JPH1: variants seen among roughly 807,000 people sequenced by gnomAD.
JPH1 encodes junctophilin-1.
In JPH1, 12 loss-of-function variants were observed where a neutral mutation model predicts 53.6. That is an observed-to-expected ratio of 0.22 (90% CI 0.14 to 0.36). The LOEUF (loss-of-function observed/expected upper bound fraction) is 0.36. JPH1 is among the 10% of genes least tolerant of loss of function. The pLI is 1.00. For synonymous variants in JPH1, 375 were observed against 363.8 expected (o/e 1.03, Z -0.35); for missense variants, 808 against 905.5 (o/e 0.89, Z 1.38).
intron 3 of JPH1, among the ~76,000 whole-genome samples, chr8:74,250,829 G>A (rs963699536): frequency 6.6e-6 from 1 of 152,112 alleles, no homozygotes; most frequent in African/African-American, 2.4e-5. Context: ...CATTACCAAA[G>A]CTCACCAGAC....
chr8:74,306,195 C>T (rs957672953), intron 2 of JPH1, among the ~76,000 whole-genome samples: 7 of 152,150 alleles, frequency 4.6e-5, no homozygotes, highest in African/African-American at 1.7e-4. Context: ...CCAAGTCACA[C>T]CTATCAGTGC....
intron 3 of JPH1, 137 bp from the exon 4 acceptor site, chr8:74,245,312 G>A: frequency 1.3e-6 from 1 of 742,446 alleles, no homozygotes. Flanking sequence ...TCATTCTCTG[G>A]GGAAAAGTTT....
At chr8:74,299,245 T>C (rs144340901) in intron 2 of JPH1, among the ~76,000 whole-genome samples, 1 of 152,302 alleles carries the variant, frequency 6.6e-6, no homozygotes, top group African/African-American at 2.4e-5. Context: ...TACCGGGACC[T>C]TCTTTATTCA....
intron 2 of JPH1, among the ~76,000 whole-genome samples, chr8:74,302,217 G>A (rs186401827): frequency 5.4e-4 from 82 of 152,282 alleles, no homozygotes; most frequent in Non-Finnish European, 8.7e-4. Flanking sequence ...AACACACTTA[G>A]GGGAAACCTA....
intron 2 of JPH1, among the ~76,000 whole-genome samples, chr8:74,272,231 C>G (rs1018310117): frequency 2.7e-5 from 4 of 146,848 alleles, no homozygotes; most frequent in African/African-American, 1.0e-4. Flanking sequence ...CCAACAAAAC[C>G]TCAACATACT....
intron 2 of JPH1, among the ~76,000 whole-genome samples, chr8:74,309,610 T>G (rs2131457725): frequency 6.6e-6 from 1 of 152,184 alleles, no homozygotes; most frequent in East Asian, 1.9e-4. Context: ...TCTCAAGGAG[T>G]AGTGACATCT....
At chr8:74,286,423 A>G (rs1807166174) in intron 2 of JPH1, among the ~76,000 whole-genome samples, 2 of 152,192 alleles carry the variant, frequency 1.3e-5, no homozygotes, top group Non-Finnish European at 2.9e-5. Flanking sequence ...TAGTGGTGAT[A>G]ACATTCAAAA....
At chr8:74,295,334 G>A (rs1218842006) in intron 2 of JPH1, among the ~76,000 whole-genome samples, 1 of 152,048 alleles carries the variant, frequency 6.6e-6, no homozygotes, top group African/African-American at 2.4e-5. Flanking sequence ...TGTACATATA[G>A]TTCTTTGCTA....
chr8:74,312,731 T>C (rs529076438), intron 2 of JPH1, among the ~76,000 whole-genome samples: 29 of 152,214 alleles, frequency 1.9e-4, no homozygotes, highest in Non-Finnish European at 3.1e-4. Flanking sequence ...TTCTATGAGT[T>C]TGACCATTTT....
chr8:74,244,503 G>T lies in JPH1; in HGVS notation c.1905+26C>A, dbSNP rs745446212. 3.8e-6 allele frequency: 6 copies of T among 1,559,142 alleles called. No individual in the cohort carries two copies. In the Admixed American group the frequency reaches 1.2e-4, roughly 31 times the overall value. On this transcript the variant is annotated intron_variant, in intron 4 of 5. Coordinates refer to ENST00000342232, the MANE Select transcript of JPH1 (RefSeq NM_020647.4). ...GAAAGAAACAAAGGGAAGAAAGAAA[G>T]AGAAAACGCTACTTGCAGTACTTAC...
intron 2 of JPH1, among the ~76,000 whole-genome samples, chr8:74,270,819 C>T (rs768442886): frequency 1.3e-5 from 2 of 152,112 alleles, no homozygotes; most frequent in Non-Finnish European, 2.9e-5. Context: ...TGACCAGCAG[C>T]CTGCTGTCTG....
At chr8:74,276,930 G>A (rs1586752561) in intron 2 of JPH1, among the ~76,000 whole-genome samples, 1 of 152,174 alleles carries the variant, frequency 6.6e-6, no homozygotes, top group East Asian at 1.9e-4. Context: ...AAGAGATGAA[G>A]TTTTTAGTTT....
Position 74,315,654 on chromosome 8 carries a change from G to A in JPH1, c.380-34C>T, listed in dbSNP as rs747755980. 3.1e-5 allele frequency: 48 copies of A among 1,555,744 alleles called. No homozygotes were observed. The South Asian group carries it at 4.8e-4, about 15-fold the overall frequency. On this transcript the variant is annotated intron_variant, in intron 1 of 5. Transcript: ENST00000342232. This position sits in a 1 kb window ranked among gnomAD's most constrained non-coding sequence, Gnocchi z 6.3. ...GACCGCAAGAAAGCACCGTGAGTCG[G>A]GGGCAGAGCTGCACCGTCACCTGCA...
At chr8:74,240,302 A>T (rs1805655581) in intron 4 of JPH1, among the ~76,000 whole-genome samples, 1 of 151,764 alleles carries the variant, frequency 6.6e-6, no homozygotes, top group Non-Finnish European at 1.5e-5. Context: ...GGTACAATTA[A>T]ATTATTATTA....
intron 2 of JPH1, among the ~76,000 whole-genome samples, chr8:74,261,603 G>A (rs1806397811): frequency 1.3e-5 from 2 of 152,240 alleles, no homozygotes; most frequent in South Asian, 4.2e-4. Flanking sequence ...CATTGCTGAG[G>A]TACGATGGGT....
intron 4 of JPH1, among the ~76,000 whole-genome samples, chr8:74,243,570 T>C (rs986416206): frequency 2.6e-5 from 4 of 152,228 alleles, no homozygotes; most frequent in Non-Finnish European, 5.9e-5. Context: ...TACTATATTC[T>C]TGTTGGCCAA....
chr8:74,296,599 G>A (rs951774412), intron 2 of JPH1, among the ~76,000 whole-genome samples: 1 of 152,174 alleles, frequency 6.6e-6, no homozygotes, highest in Non-Finnish European at 1.5e-5. Context: ...AAAATGTCAT[G>A]AGAAAATCCA....
At chr8:74,295,584 C>T (rs1379171069) in intron 2 of JPH1, among the ~76,000 whole-genome samples, 1 of 152,172 alleles carries the variant, frequency 6.6e-6, no homozygotes, top group Non-Finnish European at 1.5e-5. Flanking sequence ...CAAATCATCC[C>T]ATTTTCTGGG....
chr8:74,247,190 T>C (rs1181681888), intron 3 of JPH1, among the ~76,000 whole-genome samples: 2 of 152,250 alleles, frequency 1.3e-5, no homozygotes, highest in African/African-American at 4.8e-5. Flanking sequence ...TCTTCTGTGA[T>C]AAAGTATATT....
Sources: gnomAD v4.1 joint callset for allele counts (sites outside exome capture counted in the v4.1 genomes callset) on GRCh38, gnomAD v4.1.1 for gene constraint, Gnocchi (gnomAD v3.1) non-coding constraint, MANE v1.5 for transcripts, NCBI Gene and HGNC (gene_info 2026-07-23, HGNC 2026-07-21) for gene names.